Variants in GHR observed in about 807,000 individuals in gnomAD.
GHR encodes the protein GH receptor.
GHR carries 35 observed loss-of-function variants against 67.1 expected under a neutral mutation model. The observed-to-expected ratio is 0.52, with a 90% CI of 0.40 to 0.69. GHR has a LOEUF of 0.69. Among genes scored for constraint, GHR ranks in the 30% least tolerant of loss-of-function variants. GHR has a pLI of 0.00. For missense variants in GHR, 792 were observed against 764.6 expected (o/e 1.04, Z -0.42); for synonymous variants, 272 against 269.1 (o/e 1.01, Z -0.10).
At chr5:42,687,657 A>G (rs1024886796) in intron 3 of GHR, among the ~76,000 whole-genome samples, 2 of 152,222 alleles carry the variant, frequency 1.3e-5, no homozygotes, top group African/African-American at 4.8e-5. Context: ...GGTTCATAAC[A>G]TCAGGTATGT....
intron 2 of GHR, among the ~76,000 whole-genome samples, chr5:42,573,856 T>C (rs72754927): frequency 1.1e-3 from 169 of 152,362 alleles, no homozygotes; most frequent in Non-Finnish European, 4.4e-4. Flanking sequence ...ACTTTGTGTA[T>C]TTTTTAATTT....
In GHR at chr5:42,720,419, C is replaced by T. The variant is rs764285801; in HGVS notation, c.*995C>T. 4 of 152,106 alleles carry T rather than the reference C, an allele frequency of 2.6e-5. No individual in the cohort carries two copies. Among genetic ancestry groups the T allele is most frequent in the South Asian group, 2.1e-4 (1 of 4,820 alleles). The allele number at this position is 152,106 out of a possible 1,614,324, so 9.4% of individuals were successfully genotyped here. On this transcript the variant is annotated 3_prime_UTR_variant, in exon 10 of 10. Transcript: ENST00000230882. ...GATACTTAAGTGCTGCAATTGCACG[C>T]GGAGTGAGTTTTTTAGTGCGTGCAG...
At chr5:42,700,730 C>T (rs1757892604) in intron 6 of GHR, among the ~76,000 whole-genome samples, 1 of 152,164 alleles carries the variant, frequency 6.6e-6, no homozygotes, top group African/African-American at 2.4e-5. Context: ...TCTGGCCACT[C>T]ATCAGGTGAT....
At chr5:42,584,609 T>C (rs147148059) in intron 2 of GHR, among the ~76,000 whole-genome samples, 1 of 152,362 alleles carries the variant, frequency 6.6e-6, no homozygotes, top group East Asian at 1.9e-4. Flanking sequence ...TGGTTTTTCA[T>C]AATTTTATCC....
In GHR at chr5:42,560,669, C is replaced by A. The variant is rs137948738; in HGVS notation, c.-11-5195C>A. ...CTCTTACCTTCAGCTTCCCACTAGCCGTTTCTCACATTTCCAAAAGTCTTG... is the reference window on the plus strand; with the variant it reads ...CTCTTACCTTCAGCTTCCCACTAGCAGTTTCTCACATTTCCAAAAGTCTTG... On this transcript the variant is annotated intron_variant, in intron 1 of 9. Transcript: ENST00000230882. Among the ~76,000 whole-genome samples, 78 of 152,184 alleles carry A rather than the reference C, an allele frequency of 5.1e-4. 2 individuals carry two copies. In the East Asian group the frequency reaches 0.015, roughly 29 times the overall value.
chr5:42,651,495 C>T (rs984593796), intron 3 of GHR, among the ~76,000 whole-genome samples: 5 of 152,156 alleles, frequency 3.3e-5, no homozygotes, highest in African/African-American at 1.2e-4. Flanking sequence ...AAGAGACAGG[C>T]TTCTCTCAGC....
chr5:42,486,504 G>A (rs1745884594), intron 1 of GHR, among the ~76,000 whole-genome samples: 1 of 152,202 alleles, frequency 6.6e-6, no homozygotes, highest in Non-Finnish European at 1.5e-5. Context: ...CAGCTGGCTA[G>A]GAACTAAGTT....
chr5:42,508,403 A>G (rs1746867169), intron 1 of GHR, among the ~76,000 whole-genome samples: 1 of 152,222 alleles, frequency 6.6e-6, no homozygotes, highest in Non-Finnish European at 1.5e-5. Context: ...TTTTGAAGCT[A>G]TATGATAATG....
Position 42,688,929 on chromosome 5 carries a change from C to T in GHR, c.176C>T (p.Pro59Leu). 2 of 1,613,620 alleles carry T rather than the reference C, an allele frequency of 1.2e-6. No individual in the cohort carries two copies. Among genetic ancestry groups the T allele is most frequent in the Middle Eastern group, 1.6e-4 (1 of 6,062 alleles). ...CCTAAATTCACCAAGTGCCGTTCACCTGAGCGAGAGACTTTTTCATGCCAC... is the reference window on the plus strand; with the variant it reads ...CCTAAATTCACCAAGTGCCGTTCACTTGAGCGAGAGACTTTTTCATGCCAC... Reference protein sequence around the residue: ...KEPKFTKCRSPERETFSCHWT... With the variant: ...KEPKFTKCRSLERETFSCHWT... Residue 59 changes from proline to leucine, a missense_variant, in exon 4 of 10, where the codon CCT becomes CTT. By Grantham distance (98) the Pro-to-Leu change is moderately conservative. Coordinates refer to ENST00000230882, the MANE Select transcript of GHR (RefSeq NM_000163.5).
At chr5:42,547,641 A>G (rs914420393) in intron 1 of GHR, among the ~76,000 whole-genome samples, 3 of 152,174 alleles carry the variant, frequency 2.0e-5, no homozygotes, top group South Asian at 2.1e-4. Context: ...CTTCTGCCCA[A>G]TTGACCAAAA....
chr5:42,635,745 C>T (rs767289988), intron 3 of GHR, among the ~76,000 whole-genome samples: 21 of 152,148 alleles, frequency 1.4e-4, no homozygotes, highest in South Asian at 2.1e-4. Flanking sequence ...ACCTGTTTCT[C>T]TCTGTGCATT....
chr5:42,595,002 C>CTAAA, intron 2 of GHR, among the ~76,000 whole-genome samples: 2 of 152,108 alleles, frequency 1.3e-5, no homozygotes, highest in Non-Finnish European at 2.9e-5. Flanking sequence ...ATATTCATGA[C>CTAAA]ACAGTCCCTA....
intron 1 of GHR, among the ~76,000 whole-genome samples, chr5:42,528,167 T>C (rs1381259639): frequency 6.6e-6 from 1 of 152,200 alleles, no homozygotes; most frequent in African/African-American, 2.4e-5. Context: ...TAAGTCTTAT[T>C]ATTTAAGAAA....
At chr5:42,624,309 T>C (rs1753595584) in intron 2 of GHR, among the ~76,000 whole-genome samples, 1 of 152,192 alleles carries the variant, frequency 6.6e-6, no homozygotes, top group Non-Finnish European at 1.5e-5. Context: ...TAGGATCTCA[T>C]AACTGACCCC....
chr5:42,649,574 T>A (rs1754913481), intron 3 of GHR, among the ~76,000 whole-genome samples: 1 of 152,140 alleles, frequency 6.6e-6, no homozygotes. Flanking sequence ...AAAGCCACAT[T>A]TAAGAGGCAG....
chr5:42,682,477 G>C (rs994919114), intron 3 of GHR, among the ~76,000 whole-genome samples: 7 of 152,154 alleles, frequency 4.6e-5, no homozygotes, highest in African/African-American at 1.7e-4. Flanking sequence ...TAGTGAGAAA[G>C]GTGTTCATTT....
At chr5:42,461,557 TG>T (rs1001720909) in intron 1 of GHR, among the ~76,000 whole-genome samples, 15 of 152,226 alleles carry the variant, frequency 9.9e-5, no homozygotes, top group Non-Finnish European at 1.6e-4. Context: ...ACCCTGGAAC[TG>T]GATCATATAC....
chr5:42,424,426 G>C lies in GHR; in HGVS notation c.-12+471G>C, dbSNP rs1742751043. On this transcript the variant is annotated intron_variant, in intron 1 of 9. Coordinates refer to ENST00000230882, the MANE Select transcript of GHR (RefSeq NM_000163.5). This position sits in a 1 kb window ranked among gnomAD's most constrained non-coding sequence, Gnocchi z 4.1. ...ACTGCCGAGGCTGCTGCTGTTGCGC[G>C]GGGAAGAATCCCCGGCAGCGCGACT... 3.2e-6 allele frequency: 2 copies of C among 622,174 alleles called. No homozygotes were observed. Among genetic ancestry groups the C allele is most frequent in the East Asian group, 2.8e-5 (1 of 36,138 alleles). The allele number at this position is 622,174 out of a possible 1,614,324, so 38.5% of individuals were successfully genotyped here. A position where few individuals can be genotyped will look rare whatever the true frequency, so the allele number is the denominator to read the frequency against.
intron 1 of GHR, among the ~76,000 whole-genome samples, chr5:42,473,455 C>G (rs1248253638): frequency 6.6e-6 from 1 of 152,156 alleles, no homozygotes; most frequent in Non-Finnish European, 1.5e-5. Flanking sequence ...TATAGCAGGA[C>G]ATTACCAGAA....
Sources: allele counts gnomAD v4.1 joint callset (sites outside exome capture counted in the v4.1 genomes callset), GRCh38; gene constraint gnomAD v4.1.1; non-coding constraint Gnocchi (gnomAD v3.1); transcripts MANE v1.5; gene names NCBI Gene and HGNC (gene_info 2026-07-23, HGNC 2026-07-21).